The following CERT1 variants were observed in gnomAD, a reference collection of about 807,000 sequenced individuals.
CERT1 encodes ceramide transfer protein.
In CERT1, 31 loss-of-function variants were observed where a neutral mutation model predicts 87.9. That is an observed-to-expected ratio of 0.35 (90% CI 0.27 to 0.48). The LOEUF (loss-of-function observed/expected upper bound fraction) is 0.48. Among genes scored for constraint, CERT1 ranks in the 20% least tolerant of loss-of-function variants. The probability of loss-of-function intolerance (pLI) is 0.99; values close to 1 mark genes in which losing one functional copy is unlikely to be tolerated. For missense variants in CERT1, 487 were observed against 758.0 expected, an observed-to-expected ratio of 0.64 and a Z score of 4.20; for synonymous variants, 289 against 250.9, an observed-to-expected ratio of 1.15 and a Z score of -1.44.
chr5:75,380,126 T>G (rs74695562), intron 16 of CERT1, among the ~76,000 whole-genome samples: 4,304 of 152,296 alleles, frequency 0.028, 86 homozygotes, highest in Non-Finnish European at 0.042. Context: ...CTAGCAGTTA[T>G]GGCCCTGTAT....
intron 5 of CERT1, among the ~76,000 whole-genome samples, chr5:75,422,129 T>A (rs1763406871): frequency 6.6e-6 from 1 of 152,136 alleles, no homozygotes; most frequent in African/African-American, 2.4e-5. Context: ...CCCCTGAATA[T>A]TCTGGTTTAG....
At chr5:75,410,909 T>A in intron 8 of CERT1, 102 bp downstream of exon 8, 1 of 547,554 alleles carries the variant, frequency 1.8e-6, no homozygotes, top group Non-Finnish European at 3.1e-6. Flanking sequence ...GAAAAAATTA[T>A]ATATTTAGAA....
chr5:75,476,681 C>T (rs1322969601), intron 2 of CERT1, among the ~76,000 whole-genome samples: 1 of 152,132 alleles, frequency 6.6e-6, no homozygotes, highest in African/African-American at 2.4e-5. Flanking sequence ...GTTAGGTAAT[C>T]AAAATGATAA....
At chr5:75,474,680 C>T (rs1765879319) in intron 2 of CERT1, among the ~76,000 whole-genome samples, 1 of 151,948 alleles carries the variant, frequency 6.6e-6, no homozygotes, top group African/African-American at 2.4e-5. Flanking sequence ...ACTGGATATC[C>T]ACATGCAGAA....
chr5:75,398,407 C>T (rs1021704638), intron 11 of CERT1, among the ~76,000 whole-genome samples: 1 of 152,100 alleles, frequency 6.6e-6, no homozygotes, highest in African/African-American at 2.4e-5. Flanking sequence ...GTGTCAGGTT[C>T]TAGCTAAATC....
intron 3 of CERT1, among the ~76,000 whole-genome samples, chr5:75,456,683 A>G (rs1026904488): frequency 3.0e-3 from 453 of 151,506 alleles, no homozygotes; most frequent in Non-Finnish European, 5.4e-3. Context: ...AAAAAAAAAA[A>G]AAAGAAAGGG....
chr5:75,380,250 A>G (rs377378453), intron 16 of CERT1, among the ~76,000 whole-genome samples: 1 of 152,220 alleles, frequency 6.6e-6, no homozygotes, highest in Non-Finnish European at 1.5e-5. Flanking sequence ...TGAAACAAAT[A>G]TATGTAACTA....
intron 2 of CERT1, among the ~76,000 whole-genome samples, chr5:75,481,419 A>AATTTAGTGGC (rs1766239654): frequency 6.6e-6 from 1 of 152,134 alleles, no homozygotes; most frequent in African/African-American, 2.4e-5. Context: ...GTGCACCTTA[A>AATTTAGTGGC]ATTTAGTGGC....
intron 17 of CERT1, chr5:75,369,720 A>G (rs752751285): frequency 6.6e-6 from 1 of 152,242 alleles, no homozygotes; most frequent in Non-Finnish European, 1.5e-5. Context: ...AGCCTGGGTG[A>G]CAGGAAAATC....
At chr5:75,482,562 T>C (rs1275835829) in intron 2 of CERT1, among the ~76,000 whole-genome samples, 1 of 152,212 alleles carries the variant, frequency 6.6e-6, no homozygotes, top group Admixed American at 6.5e-5. Context: ...CAGTAGTCAC[T>C]GTGGGCCTTG....
At chr5:75,502,745 T>G (rs1561308758) in intron 2 of CERT1, among the ~76,000 whole-genome samples, 1 of 152,128 alleles carries the variant, frequency 6.6e-6, no homozygotes, top group African/African-American at 2.4e-5. Flanking sequence ...ATATTTTTTA[T>G]CATGTGCACT....
In CERT1 at chr5:75,421,277, C is replaced by T. The variant is rs576431073; in HGVS notation, c.596-1853G>A. Among the ~76,000 whole-genome samples the T allele has an allele frequency of 9.8e-5, 15 of 152,286 alleles. No homozygotes were observed. The East Asian group carries it at 2.7e-3, about 27-fold the overall frequency. ...TTTTTTATGGATGCAGAGCCCAATT[C>T]GATACCTTATTTCCCTTCTTTGATT... On this transcript the variant is annotated intron_variant, in intron 5 of 16. Coordinates refer to ENST00000643780, the MANE Select transcript of CERT1 (RefSeq NM_001379029.1).
At position 75,378,310 on chromosome 5, in the gene CERT1, C is replaced by A. The variant is rs1424345196; in HGVS notation, c.*1036G>T. On this transcript the variant is annotated 3_prime_UTR_variant, in exon 17 of 17. Transcript: ENST00000643780. ...TGATGGACGCCTGTAATCCCAGCTA[C>A]TCGGGAGGCTGAGGCAGGAGAATCG... The A allele has an allele frequency of 1.3e-5, 2 of 152,284 alleles. No individual in the cohort carries two copies. Among genetic ancestry groups the A allele is most frequent in the Non-Finnish European group, 2.9e-5 (2 of 68,144 alleles). The allele number at this position is 152,284 out of a possible 1,614,324, so 9.4% of individuals were successfully genotyped here.
intron 7 of CERT1, among the ~76,000 whole-genome samples, chr5:75,411,968 ACTCT>A (rs35532948): frequency 6.6e-6 from 1 of 151,498 alleles, no homozygotes; most frequent in East Asian, 1.9e-4. Context: ...GTATTTTAAC[ACTCT>A]CCTTTTAATG....
chr5:75,372,874 A>C (rs1207035167), downstream of CERT1: 2 of 152,240 alleles, frequency 1.3e-5, no homozygotes, highest in African/African-American at 4.8e-5. Flanking sequence ...GAGCTGAACA[A>C]GTCAGCAAAG....
intron 2 of CERT1, among the ~76,000 whole-genome samples, chr5:75,497,844 A>C (rs904748224): frequency 6.6e-6 from 1 of 152,188 alleles, no homozygotes; most frequent in African/African-American, 2.4e-5. Context: ...AGGATACCCG[A>C]AAATGTGGAA....
chr5:75,389,822 G>C, intron 11 of CERT1, 135 bp from the exon 12 acceptor site: 1 of 635,388 alleles, frequency 1.6e-6, no homozygotes, highest in Non-Finnish European at 2.8e-6. Context: ...AAGGTTAGTA[G>C]GTTTTACATA....
chr5:75,417,172 T>A, intron 6 of CERT1, 139 bp from the exon 7 acceptor site: 1 of 626,966 alleles, frequency 1.6e-6, no homozygotes, highest in South Asian at 2.2e-5. Flanking sequence ...GGCCAACATT[T>A]AAAAATCTCC....
chr5:75,397,781 G>A (rs998304420), intron 11 of CERT1, among the ~76,000 whole-genome samples: 9 of 152,182 alleles, frequency 5.9e-5, no homozygotes, highest in African/African-American at 2.2e-4. Flanking sequence ...AGCACTTTGG[G>A]AGGCCGAGGT....
Sources: allele counts gnomAD v4.1 joint callset (sites outside exome capture counted in the v4.1 genomes callset), GRCh38; gene constraint gnomAD v4.1.1; transcripts MANE v1.5; gene names NCBI Gene and HGNC (gene_info 2026-07-23, HGNC 2026-07-21).